ZFP69: variants seen among roughly 807,000 people sequenced by gnomAD.
The protein encoded by ZFP69 is zinc finger protein 69 homolog.
In ZFP69, 35 loss-of-function variants were observed where a neutral mutation model predicts 48.9. The ratio of observed to expected loss-of-function variants is 0.72; its 90% CI spans 0.55 to 0.95. The LOEUF is 0.95. ZFP69 is among the 40% of genes least tolerant of loss of function. ZFP69 has a pLI of 0.00. For missense variants in ZFP69, 557 were observed against 638.4 expected, an observed-to-expected ratio of 0.87 and a Z score of 1.37; for synonymous variants, 193 against 216.8, an observed-to-expected ratio of 0.89 and a Z score of 0.96.
At position 40,495,604 on chromosome 1, in the gene ZFP69, AC is replaced by A; in HGVS notation, c.1127del (p.Thr376IlefsTer27). ...QNISLVQHLR[T>X]HSGEKPFTCN... Reference sequence around the variant, plus strand: ...CATTAGCTTGGTTCAACATTTGAGGACTCATTCTGGAGAGAAACCTTTTACT... The same window carrying A: ...CATTAGCTTGGTTCAACATTTGAGGATCATTCTGGAGAGAAACCTTTTACT... On this transcript the variant is annotated frameshift_variant, in exon 6 of 6. Coordinates refer to ENST00000372706, the MANE Select transcript of ZFP69 (RefSeq NM_001320179.2). LOFTEE classifies it high-confidence loss of function. The A allele has an allele frequency of 6.2e-7, 1 of 1,614,256 alleles. No individual in the cohort carries two copies. Among genetic ancestry groups the A allele is most frequent in the East Asian group, 2.2e-5 (1 of 44,880 alleles).
chr1:40,490,096 G>A (rs116597346), intron 5 of ZFP69, among the ~76,000 whole-genome samples: 2,675 of 151,796 alleles, frequency 0.018, 77 homozygotes, highest in African/African-American at 0.062. Flanking sequence ...TCTTGATCTC[G>A]ACCTTGTGAT....
At position 40,482,898 on chromosome 1, in the gene ZFP69, T is replaced by C. The variant is rs967608550; in HGVS notation, c.219+1044T>C. Among the ~76,000 whole-genome samples the C allele has an allele frequency of 3.3e-4, 50 of 152,168 alleles. 2 individuals carry two copies. On this transcript the variant is annotated intron_variant, in intron 3 of 5. Transcript: ENST00000372706. ...TCACAGTAATTAGAAACTTTAACAC[T>C]TCTTTCTCAGTAATTGATGTAACCA...
intron 2 of ZFP69, among the ~76,000 whole-genome samples, chr1:40,481,085 G>A (rs988068732): frequency 6.6e-6 from 1 of 152,184 alleles, no homozygotes; most frequent in Non-Finnish European, 1.5e-5. Flanking sequence ...GAGATTACAG[G>A]CATGAGCCAC....
At chr1:40,492,441 TTCTC>T (rs1377877927) in intron 5 of ZFP69, among the ~76,000 whole-genome samples, 5 of 152,182 alleles carry the variant, frequency 3.3e-5, no homozygotes, top group Non-Finnish European at 5.9e-5. Flanking sequence ...TCTGTCGTGT[TTCTC>T]TCTTTATGTT....
rs1377918848 is a variant in ZFP69, at chr1:40,496,255, TTAAAA to T, written c.*198_*202del. 4.4e-6 allele frequency: 2 copies of T among 456,552 alleles called. No individual in the cohort carries two copies. The highest frequency in any genetic ancestry group is 3.3e-5 in the East Asian group (1 of 30,114). 28.3% of individuals were successfully genotyped at this position (456,552 alleles called of 1,614,324 possible). ...AGTACTTAAGATTAAAATCTGGTCC[TTAAAA>T]TTAAATGAATTCAGCATTATGAAAA... On this transcript the variant is annotated 3_prime_UTR_variant, in exon 6 of 6. Coordinates refer to ENST00000372706, the MANE Select transcript of ZFP69 (RefSeq NM_001320179.2).
At chr1:40,491,156 T>A (rs1215735524) in intron 5 of ZFP69, 1 of 152,274 alleles carries the variant, frequency 6.6e-6, no homozygotes, top group Non-Finnish European at 1.5e-5. Flanking sequence ...TATATATACT[T>A]CTTCCTTTTG....
Position 40,495,027 on chromosome 1 carries a change from A to G in ZFP69, c.549A>G (p.Ile183Met), listed in dbSNP as rs772891274. The change falls in exon 6 of 6, where the codon ATA becomes ATG. Residue 183 changes from isoleucine to methionine, a missense_variant. Physicochemically the swap from Ile to Met is conservative, Grantham distance 10. Transcript: ENST00000372706. ...TGGAAAGTTTCATGAGGGATGATAT[A>G]ATTTATTCCACGTTGAGAAAAGTCT... ...IMMESFMRDDIIYSTLRKVST... is the reference protein window; with the variant it reads ...IMMESFMRDDMIYSTLRKVST... 1.2e-6 allele frequency: 2 copies of G among 1,614,076 alleles called. No individual in the cohort carries two copies. The highest frequency in any genetic ancestry group is 2.2e-5 in the South Asian group (2 of 91,088).
intron 4 of ZFP69, 113 bp downstream of exon 4, chr1:40,489,327 T>A: frequency 7.1e-7 from 1 of 1,411,928 alleles, no homozygotes; most frequent in Non-Finnish European, 9.7e-7. Context: ...GTATTAAAGA[T>A]GTCTTATTCC....
chr1:40,481,379 A>C (rs1220095658), intron 2 of ZFP69, among the ~76,000 whole-genome samples: 1 of 152,006 alleles, frequency 6.6e-6, no homozygotes, highest in Non-Finnish European at 1.5e-5. Flanking sequence ...GTCCATGGTG[A>C]AGTGTTTGGA....
chr1:40,481,963 CTA>C (rs1310410084), intron 3 of ZFP69, 109 bp downstream of exon 3: 3 of 695,534 alleles, frequency 4.3e-6, no homozygotes, highest in Non-Finnish European at 6.8e-6. Flanking sequence ...GGTATTAAGA[CTA>C]ACAAATTCAA....
rs56706952 is a variant in ZFP69 at position 40,483,226 on chromosome 1, A to ATTTTTTTTTTTTTTTTTTTTTTTT, written c.219+1392_219+1393insTTTTTTTTTTTTTTTTTTTTTTTT. Reference sequence around the variant, plus strand: ...AAAATCAAACCATACACCTTTTTTAATTTTTTTTTTTTTTTTTTTTAGAGA... The same window carrying ATTTTTTTTTTTTTTTTTTTTTTTT: ...AAAATCAAACCATACACCTTTTTTAATTTTTTTTTTTTTTTTTTTTTTTTTTTTTTTTTTTTTTTTTTTTAGAGA... On this transcript the variant is annotated intron_variant, in intron 3 of 5. Transcript: ENST00000372706. Among the ~76,000 whole-genome samples the ATTTTTTTTTTTTTTTTTTTTTTTT allele has an allele frequency of 1.8e-3, 205 of 116,942 alleles. 20 individuals carry two copies. Among genetic ancestry groups the ATTTTTTTTTTTTTTTTTTTTTTTT allele is most frequent in the African/African-American group, 7.0e-3 (192 of 27,246 alleles). 76.7% of individuals were successfully genotyped at this position (116,942 alleles called of 152,430 possible).
chr1:40,477,306 GC>G lies in ZFP69; in HGVS notation c.-914del, dbSNP rs1453198726. The G allele has an allele frequency of 6.6e-6, 1 of 152,142 alleles. No homozygotes were observed. The allele number at this position is 152,142 out of a possible 1,614,324, so 9.4% of individuals were successfully genotyped here. ...CGGGGCTCACAACCCGCCGGAAGAC[GC>G]GCGGGTTGTGGCAGCTGCAGCGGGA... On this transcript the variant is annotated 5_prime_UTR_variant, in exon 1 of 6. Transcript: ENST00000372706. The surrounding 1 kb of genome is among the most constrained non-coding windows in gnomAD (Gnocchi z 4.0).
chr1:40,489,138 G>C lies in ZFP69; in HGVS notation c.270G>C (p.Trp90Cys). The change falls in exon 4 of 6, where the codon TGG (tryptophan) becomes TGC (cysteine). Residue 90 changes from tryptophan to cysteine, a missense_variant. Trp to Cys is a radical substitution (Grantham distance 215). Coordinates refer to ENST00000372706, the MANE Select transcript of ZFP69 (RefSeq NM_001320179.2). Reference sequence around the variant, plus strand: ...CTATTGACTTCACCCAGGAAGAGTGGGGGCAGCTGGCTCCTGCTCACCAGA... The same window carrying C: ...CTATTGACTTCACCCAGGAAGAGTGCGGGCAGCTGGCTCCTGCTCACCAGA... ...DISIDFTQEE[W>C]GQLAPAHQNL... is the part of the protein sequence containing the mutation. 2 of 1,614,136 alleles carry C rather than the reference G, an allele frequency of 1.2e-6. No homozygotes were observed. The highest frequency in any genetic ancestry group is 1.7e-6 in the Non-Finnish European group (2 of 1,180,012).
In ZFP69 at chr1:40,494,906, T is replaced by C. The variant is rs1645612518; in HGVS notation, c.443-15T>C. On this transcript the variant is annotated splice_polypyrimidine_tract_variant and intron_variant, in intron 5 of 5. Coordinates refer to ENST00000372706, the MANE Select transcript of ZFP69 (RefSeq NM_001320179.2). ...ACAGTAATTGGTTTTTAAAGCTTTTTTTCATTTCTTTCAGACTTGAAGAGT... is the reference window on the plus strand; with the variant it reads ...ACAGTAATTGGTTTTTAAAGCTTTTCTTCATTTCTTTCAGACTTGAAGAGT... 1 of 1,590,122 alleles carries C rather than the reference T, an allele frequency of 6.3e-7. No homozygotes were observed. The highest frequency in any genetic ancestry group is 1.1e-5 in the South Asian group (1 of 87,156).
chr1:40,478,955 G>T (rs947567882), intron 1 of ZFP69, 81 bp from the exon 2 acceptor site: 1 of 213,426 alleles, frequency 4.7e-6, no homozygotes, highest in Non-Finnish European at 9.5e-6. Context: ...ATAGAGCCAC[G>T]TCCAGGAACA....
chr1:40,496,000 T>G lies in ZFP69; in HGVS notation c.1522T>G (p.Ser508Ala). Residue 508 changes from serine (S) to alanine (A), a missense_variant, in exon 6 of 6, where the codon TCT becomes GCT. Physicochemically the swap from Ser to Ala is moderately conservative, Grantham distance 99. Coordinates refer to ENST00000372706, the MANE Select transcript of ZFP69 (RefSeq NM_001320179.2). ...ATGTGGAAAAGCCTTCAGCTATAAC[T>G]CTTCACTTAGTCGACATCATGAAAT... ...NECGKAFSYN[S>A]SLSRHHEIHR... 6.2e-7 allele frequency: 1 copy of G among 1,612,684 alleles called. No individual in the cohort carries two copies. The highest frequency in any genetic ancestry group is 2.2e-5 in the East Asian group (1 of 44,858).
Position 40,495,887 on chromosome 1 carries a change from A to G in ZFP69, c.1409A>G (p.Asn470Ser). Reference sequence around the variant, plus strand: ...ACAGGAGTGAAAGCATATGAATGCAACCGCTGTGGAAAAGCCTATAGGCAT... The same window carrying G: ...ACAGGAGTGAAAGCATATGAATGCAGCCGCTGTGGAAAAGCCTATAGGCAT... ...VHTGVKAYEC[N>S]RCGKAYRHDS... Residue 470 changes from asparagine to serine, a missense_variant, in exon 6 of 6, where the codon AAC becomes AGC. Asn to Ser is a conservative substitution (Grantham distance 46). Coordinates refer to ENST00000372706, the MANE Select transcript of ZFP69 (RefSeq NM_001320179.2). 3 of 1,614,230 alleles carry G rather than the reference A, an allele frequency of 1.9e-6. No individual in the cohort carries two copies. The highest frequency in any genetic ancestry group is 2.5e-6 in the Non-Finnish European group (3 of 1,180,042).
rs1645625148 is a variant in ZFP69 at position 40,495,673 on chromosome 1, A to T, written c.1195A>T (p.Ser399Cys). Residue 399 changes from serine to cysteine, a missense_variant, in exon 6 of 6, where the codon AGT becomes TGT. Transcript: ENST00000372706. Reference protein sequence around the residue: ...GKTFRQIRHLSEHIRIHTGEK... With the variant: ...GKTFRQIRHLCEHIRIHTGEK... ...AACCTTTAGACAGATTAGACACCTT[A>T]GTGAACATATAAGAATTCATACCGG... 1 of 1,614,104 alleles carries T rather than the reference A, an allele frequency of 6.2e-7. No homozygotes were observed. The highest frequency in any genetic ancestry group is 8.5e-7 in the Non-Finnish European group (1 of 1,180,050).
chr1:40,485,839 T>C (rs188471249), intron 3 of ZFP69, among the ~76,000 whole-genome samples: 88 of 152,342 alleles, frequency 5.8e-4, no homozygotes, highest in African/African-American at 2.0e-3. Flanking sequence ...CAGGTGTTAT[T>C]CTTTTTATGT....
Sources: allele counts gnomAD v4.1 joint callset (sites outside exome capture counted in the v4.1 genomes callset), GRCh38; gene constraint gnomAD v4.1.1; non-coding constraint Gnocchi (gnomAD v3.1); transcripts MANE v1.5; gene names NCBI Gene and HGNC (gene_info 2026-07-23, HGNC 2026-07-21).